The following SNW1 variants were observed in gnomAD, a reference collection of about 807,000 sequenced individuals.
The protein encoded by SNW1 is SNW domain containing 1, also known as SNW domain-containing protein 1.
A neutral mutation model predicts 75.6 loss-of-function variants in SNW1; 9 were observed. The observed-to-expected ratio is 0.12, with a 90% CI of 0.07 to 0.21. The LOEUF (loss-of-function observed/expected upper bound fraction) is 0.21. Among genes scored for constraint, SNW1 ranks in the 10% least tolerant of loss-of-function variants. The pLI is 1.00. For synonymous variants in SNW1, 200 were observed against 219.1 expected, an observed-to-expected ratio of 0.91 and a Z score of 0.77; for missense variants, 409 against 670.9, an observed-to-expected ratio of 0.61 and a Z score of 4.31.
At chr14:77,744,542 T>A (rs2080745926) in intron 3 of SNW1, among the ~76,000 whole-genome samples, 1 of 151,268 alleles carries the variant, frequency 6.6e-6, no homozygotes, top group South Asian at 2.1e-4. Context: ...TTGGCCAAGA[T>A]ACTAAACTCC....
At chr14:77,724,841 A>T (rs1385811791) in intron 10 of SNW1, among the ~76,000 whole-genome samples, 1 of 152,208 alleles carries the variant, frequency 6.6e-6, no homozygotes, top group East Asian at 1.9e-4. Context: ...GATTTGATAT[A>T]CTGATTTCCT....
At chr14:77,759,376 A>T (rs1014419955) in intron 1 of SNW1, among the ~76,000 whole-genome samples, 1 of 152,038 alleles carries the variant, frequency 6.6e-6, no homozygotes, top group Non-Finnish European at 1.5e-5. Context: ...ACTGGGCATC[A>T]TGGCAAGCGT....
At chr14:77,760,713 G>T (rs1280500580) in intron 1 of SNW1, 2 of 702,258 alleles carry the variant, frequency 2.8e-6, no homozygotes, top group Admixed American at 2.0e-5. Flanking sequence ...ACAGGCAAAC[G>T]GCCGGAAAGC....
At chr14:77,744,143 AAAAAAAAG>A (rs1454339360) in intron 3 of SNW1, among the ~76,000 whole-genome samples, 1 of 151,656 alleles carries the variant, frequency 6.6e-6, no homozygotes, top group East Asian at 1.9e-4. Context: ...CTCAAAAAAA[AAAAAAAAG>A]AAAAAAAGAA....
rs1313717483 is a variant in SNW1, at chr14:77,718,304, A to G, written c.1413-18T>C. Reference sequence around the variant, plus strand: ...GAACAAATCTAAGGAAAAGGAGAAAAAACTATGAACTACTTTGCTTTCACC... The same window carrying G: ...GAACAAATCTAAGGAAAAGGAGAAAGAACTATGAACTACTTTGCTTTCACC... On this transcript the variant is annotated intron_variant, in intron 13 of 13. Transcript: ENST00000261531. 3.7e-6 allele frequency: 6 copies of G among 1,614,074 alleles called. No individual in the cohort carries two copies. The highest frequency in any genetic ancestry group is 5.1e-6 in the Non-Finnish European group (6 of 1,179,972).
chr14:77,754,411 T>C (rs1052547490), intron 2 of SNW1, among the ~76,000 whole-genome samples: 4 of 152,306 alleles, frequency 2.6e-5, no homozygotes, highest in Middle Eastern at 3.4e-3. Flanking sequence ...TTCTCCCTCA[T>C]TGCCTTCAAA....
At chr14:77,730,190 G>C (rs1047409084) in intron 10 of SNW1, among the ~76,000 whole-genome samples, 5 of 152,078 alleles carry the variant, frequency 3.3e-5, no homozygotes, top group African/African-American at 1.2e-4. Context: ...AGGGCTATTT[G>C]ACCACTCTCA....
chr14:77,751,365 T>C lies in SNW1; in HGVS notation c.284A>G (p.Lys95Arg), dbSNP rs769231488. ...ALAIQVDSEGKIKYDAIARQG... is the reference protein window; with the variant it reads ...ALAIQVDSEGRIKYDAIARQG... ...TCGAGCAATTGCATCATATTTAATT[T>C]TTCCTTCAGAATCCACCTGAATGGC... Residue 95 changes from lysine to arginine, a missense_variant, in exon 3 of 14, where the codon AAA (lysine) becomes AGA (arginine). By Grantham distance (26) the Lys-to-Arg change is conservative. Transcript: ENST00000261531. 1.2e-6 allele frequency: 2 copies of C among 1,613,908 alleles called. No individual in the cohort carries two copies. The highest frequency in any genetic ancestry group is 8.5e-7 in the Non-Finnish European group (1 of 1,179,902).
At chr14:77,736,629 T>C (rs1341271010) in intron 6 of SNW1, among the ~76,000 whole-genome samples, 1 of 152,176 alleles carries the variant, frequency 6.6e-6, no homozygotes, top group Non-Finnish European at 1.5e-5. Flanking sequence ...GCTATACATA[T>C]TTAAAGCATA....
chr14:77,757,411 G>C (rs1165765507), intron 1 of SNW1, among the ~76,000 whole-genome samples: 3 of 152,182 alleles, frequency 2.0e-5, no homozygotes, highest in Admixed American at 6.5e-5. Flanking sequence ...TTACCTCTCT[G>C]AATCTGTTTT....
chr14:77,741,096 CAAAAAAAAA>C (rs60307573), intron 3 of SNW1, among the ~76,000 whole-genome samples: 2 of 87,270 alleles, frequency 2.3e-5, no homozygotes, highest in South Asian at 7.9e-4. Flanking sequence ...AAACTGTCTC[CAAAAAAAAA>C]AAAAAAAAAA....
intron 6 of SNW1, 144 bp downstream of exon 6, chr14:77,736,827 G>A: frequency 1.7e-6 from 1 of 598,624 alleles, no homozygotes; most frequent in Non-Finnish European, 3.0e-6. Context: ...TGTAACTATA[G>A]GTTAGTTTGC....
intron 13 of SNW1, 40 bp downstream of exon 13, chr14:77,718,327 A>C (rs142469338): frequency 3.3e-5 from 53 of 1,614,194 alleles, no homozygotes; most frequent in Admixed American, 2.5e-4. Flanking sequence ...CTTTGCTTTC[A>C]CCAGTGTAAA....
chr14:77,728,474 A>T (rs985971620), intron 10 of SNW1, among the ~76,000 whole-genome samples: 1 of 152,138 alleles, frequency 6.6e-6, no homozygotes, highest in African/African-American at 2.4e-5. Flanking sequence ...TAATAATAAT[A>T]ATAAAAAAGT....
At chr14:77,725,522 G>A (rs2080577905) in intron 10 of SNW1, among the ~76,000 whole-genome samples, 1 of 152,152 alleles carries the variant, frequency 6.6e-6, no homozygotes, top group Non-Finnish European at 1.5e-5. Flanking sequence ...AGAAATAAGA[G>A]GTCTATTTTC....
At chr14:77,722,145 T>C (rs927612492) in intron 11 of SNW1, among the ~76,000 whole-genome samples, 14 of 152,294 alleles carry the variant, frequency 9.2e-5, no homozygotes, top group African/African-American at 3.4e-4. Context: ...ATATTCTATA[T>C]TTGCATTTAA....
intron 2 of SNW1, among the ~76,000 whole-genome samples, chr14:77,754,454 A>G (rs1023406166): frequency 2.0e-5 from 3 of 152,216 alleles, no homozygotes; most frequent in East Asian, 1.9e-4. Context: ...CCGCAAAAAT[A>G]TATTTAATCT....
Position 77,721,742 on chromosome 14 carries a change from A to T in SNW1, c.1131-914T>A, listed in dbSNP as rs117046788. ...ATCTTTTTCATGCTTATTTATTTTT[A>T]TTTTTTTATTTTTTATTTTTTATGA... is the stretch of plus-strand genomic sequence containing the variant. On this transcript the variant is annotated intron_variant, in intron 11 of 13. Transcript: ENST00000261531. 7.4e-3 allele frequency among the ~76,000 whole-genome samples: 1,129 copies of T among 151,966 alleles called. 41 individuals carry two copies. The highest frequency in any genetic ancestry group is 0.058 in the Admixed American group (888 of 15,204).
At chr14:77,735,060 A>G in intron 7 of SNW1, 48 bp from the exon 8 acceptor site, 1 of 1,280,302 alleles carries the variant, frequency 7.8e-7, no homozygotes, top group Non-Finnish European at 1.1e-6. Flanking sequence ...ATAGTCTACA[A>G]AGTAAATCTA....
Sources: allele counts gnomAD v4.1 joint callset (sites outside exome capture counted in the v4.1 genomes callset), GRCh38; gene constraint gnomAD v4.1.1; transcripts MANE v1.5; gene names NCBI Gene and HGNC (gene_info 2026-07-23, HGNC 2026-07-21).